CEP250: variants seen among roughly 807,000 people sequenced by gnomAD.
CEP250 encodes centrosome-associated protein CEP250.
Under a neutral mutation model 315.7 loss-of-function variants are expected in CEP250, and 242 were observed. That is an observed-to-expected ratio of 0.77 (90% CI 0.69 to 0.85). The LOEUF is 0.85. CEP250 is among the 40% of genes least tolerant of loss of function. CEP250 has a pLI of 0.00. For synonymous variants in CEP250, 1,088 were observed against 1,175.0 expected, an observed-to-expected ratio of 0.93 and a Z score of 1.51; for missense variants, 2,515 against 2,886.4, an observed-to-expected ratio of 0.87 and a Z score of 2.95.
At chr20:35,479,111 C>A in intron 17 of CEP250, 120 bp from the exon 18 acceptor site, 1 of 933,440 alleles carries the variant, frequency 1.1e-6, no homozygotes, top group Non-Finnish European at 1.6e-6. Flanking sequence ...ATTGGGTAAG[C>A]AATCCGGGCT....
intron 14 of CEP250, 113 bp from the exon 15 acceptor site, chr20:35,475,388 GT>G (rs2063142097): frequency 8.8e-7 from 1 of 1,139,478 alleles, no homozygotes; most frequent in African/African-American, 1.5e-5. Flanking sequence ...CCTTATCAGT[GT>G]TTATAGACCA....
chr20:35,456,419 C>T lies in CEP250; in HGVS notation c.-298+668C>T, dbSNP rs116709323. ...CTGTTGAATTGATCTTTACTTTGGC[C>T]CTGGGAGTTATTGGAGGCTAGGCTT... is the stretch of plus-strand genomic sequence containing the variant. On this transcript the variant is annotated intron_variant, in intron 1 of 34. Coordinates refer to ENST00000397527, the MANE Select transcript of CEP250 (RefSeq NM_007186.6). Among the ~76,000 whole-genome samples, 1,397 of 152,174 alleles carry T rather than the reference C, an allele frequency of 9.2e-3. 16 individuals are homozygous for T. Among genetic ancestry groups the T allele is most frequent in the African/African-American group, 0.031 (1,294 of 41,490 alleles).
chr20:35,503,290 G>T lies in CEP250; in HGVS notation c.4921G>T (p.Glu1641Ter). The change falls in exon 30 of 35, where the codon GAG becomes TAG. Residue 1641 changes from glutamate to a stop codon, truncating the protein, a stop_gained. Transcript: ENST00000397527. LOFTEE classifies it high-confidence loss of function. This position sits in a 1 kb window ranked among gnomAD's most constrained non-coding sequence, Gnocchi z 4.2. ...GAAGTCTCAGCGAGAACAGATCGAGGAGCTGCAGAGGCAGAAAGAGCATCT... is the reference window on the plus strand; with the variant it reads ...GAAGTCTCAGCGAGAACAGATCGAGTAGCTGCAGAGGCAGAAAGAGCATCT... ...EVKSQREQIE[E>*]LQRQKEHLTQ... 1 of 1,614,170 alleles carries T rather than the reference G, an allele frequency of 6.2e-7. No homozygotes were observed. Among genetic ancestry groups the T allele is most frequent in the Non-Finnish European group, 8.5e-7 (1 of 1,180,016 alleles).
chr20:35,458,964 A>AT (rs1332089448), intron 2 of CEP250, among the ~76,000 whole-genome samples: 10 of 91,344 alleles, frequency 1.1e-4, no homozygotes, highest in African/African-American at 4.7e-4. Context: ...TATAATGCAA[A>AT]TCTTTTTTTT....
Position 35,462,436 on chromosome 20 carries a change from G to A in CEP250, c.69G>A (p.Gln23=). The change falls in exon 4 of 35, where the codon CAG becomes CAA. Residue 23 remains glutamine, a synonymous_variant. Coordinates refer to ENST00000397527, the MANE Select transcript of CEP250 (RefSeq NM_007186.6). ...CACTGCAGCTGGTACTGGAAGAGCA[G>A]GTGCTGGCACTACAGCAGCAGATGG... ...PQSLQLVLEE[Q]VLALQQQMAE... 6.2e-7 allele frequency: 1 copy of A among 1,604,376 alleles called. No individual in the cohort carries two copies. The highest frequency in any genetic ancestry group is 8.5e-7 in the Non-Finnish European group (1 of 1,175,330).
intron 20 of CEP250, among the ~76,000 whole-genome samples, chr20:35,482,048 A>AATAG (rs35585772): frequency 0.12 from 18,056 of 146,084 alleles, 1,114 homozygotes; most frequent in Non-Finnish European, 0.13. Context: ...AGGCTTAAAA[A>AATAG]ATAGATAGAT....
chr20:35,475,933 C>T (rs2063161662), intron 15 of CEP250, among the ~76,000 whole-genome samples: 2 of 152,192 alleles, frequency 1.3e-5, no homozygotes, highest in South Asian at 2.1e-4. Context: ...GTTTTAGCCT[C>T]CCCTTCTACT....
At chr20:35,463,422 A>T (rs1000657700) in intron 4 of CEP250, among the ~76,000 whole-genome samples, 153 bp from the exon 5 acceptor site, 5 of 152,244 alleles carry the variant, frequency 3.3e-5, no homozygotes, top group Non-Finnish European at 7.3e-5. Context: ...AAAAATGCCC[A>T]AATAGAAACT....
At position 35,504,509 on chromosome 20, in the gene CEP250, G is replaced by A; in HGVS notation, c.6140G>A (p.Arg2047Lys). Residue 2047 changes from arginine to lysine, a missense_variant, in exon 30 of 35, where the codon AGG becomes AAG. Physicochemically the swap from Arg to Lys is conservative, Grantham distance 26. Transcript: ENST00000397527. The stretch of plus-strand genomic sequence containing the variant: ...CAGCTGCAGCAGGCACTTGCCCAGA[G>A]GGATGAAGAGCTGAGACATCAGCAG... ...VQQLQQALAQ[R>K]DEELRHQQER... 4.3e-6 allele frequency: 7 copies of A among 1,613,900 alleles called. No homozygotes were observed. Among genetic ancestry groups the A allele is most frequent in the South Asian group, 1.1e-5 (1 of 91,042 alleles).
In CEP250 at chr20:35,473,471, G is replaced by A. The variant is rs200183326; in HGVS notation, c.1307G>A (p.Arg436Gln). Residue 436 changes from arginine (R) to glutamine (Q), a missense_variant, in exon 13 of 35, where the codon CGG becomes CAG. Arg to Gln is a conservative substitution (Grantham distance 43). Transcript: ENST00000397527. ...WEEEGKALRQRLQKLTGERDT... is the reference protein window; with the variant it reads ...WEEEGKALRQQLQKLTGERDT... ...GAAGAGGGCAAAGCCTTGAGACAGC[G>A]GCTGCAGAAGCTCACTGGGGAGCGG... is the stretch of plus-strand genomic sequence containing the variant. 2.5e-5 allele frequency: 40 copies of A among 1,614,190 alleles called. 1 individual carries two copies. In the South Asian group the frequency reaches 2.9e-4, roughly 12 times the overall value.
In CEP250 at chr20:35,469,967, G is replaced by C; in HGVS notation, c.929G>C (p.Arg310Thr). The C allele has an allele frequency of 6.2e-7, 1 of 1,613,264 alleles. No individual in the cohort carries two copies. The highest frequency in any genetic ancestry group is 8.5e-7 in the Non-Finnish European group (1 of 1,179,232). The change falls in exon 10 of 35, where the codon AGA (arginine) becomes ACA (threonine). Residue 310 changes from arginine (R) to threonine (T), a missense_variant. By Grantham distance (71) the Arg-to-Thr change is moderately conservative. Coordinates refer to ENST00000397527, the MANE Select transcript of CEP250 (RefSeq NM_007186.6). ...TATGAAAAGATGATAAAGGCTCTGA[G>C]AGAGACAGTGGAGATCCTGGTACAT... ...EDYEKMIKAL[R>T]ETVEILETNH...
At chr20:35,461,013 ACT>A (rs1427553464) in intron 3 of CEP250, among the ~76,000 whole-genome samples, 1 of 152,078 alleles carries the variant, frequency 6.6e-6, no homozygotes, top group Non-Finnish European at 1.5e-5. Context: ...AAAGTGACTA[ACT>A]CTTCCTGGGT....
chr20:35,509,146 A>C, intron 33 of CEP250, 102 bp downstream of exon 33: 1 of 897,150 alleles, frequency 1.1e-6, no homozygotes, highest in South Asian at 1.5e-5. Context: ...CACTTCAGCT[A>C]GTCCAGAGAG....
intron 12 of CEP250, 26 bp from the exon 13 acceptor site, chr20:35,473,348 T>G (rs2063074198): frequency 1.3e-6 from 2 of 1,581,810 alleles, no homozygotes; most frequent in Non-Finnish European, 1.7e-6. Flanking sequence ...GTTCATCATC[T>G]GGTTTCTCTT....
At chr20:35,483,299 A>G (rs975908562) in intron 20 of CEP250, among the ~76,000 whole-genome samples, 7 of 151,684 alleles carry the variant, frequency 4.6e-5, no homozygotes, top group Non-Finnish European at 1.0e-4. Flanking sequence ...CAGCCTGGGC[A>G]ACAAGAACGA....
intron 28 of CEP250, 102 bp from the exon 29 acceptor site, chr20:35,501,743 T>C: frequency 7.5e-7 from 1 of 1,341,066 alleles, no homozygotes; most frequent in South Asian, 1.5e-5. Context: ...CTTCCTTCCC[T>C]TTGAATCTGT....
At chr20:35,467,179 G>GGGGGGGGGGGCCCCCCCCCC in intron 8 of CEP250, 107 bp downstream of exon 8, 1 of 534,864 alleles carries the variant, frequency 1.9e-6, no homozygotes, top group Non-Finnish European at 3.5e-6. Context: ...GGTGGGTGGG[G>GGGGGGGGGGGCCCCCCCCCC]GAGTTGGTAG....
intron 20 of CEP250, among the ~76,000 whole-genome samples, chr20:35,482,233 TTGTTTG>T (rs1262384446): frequency 2.7e-5 from 2 of 74,948 alleles, no homozygotes. Flanking sequence ...TATTATTTTT[TTGTTTG>T]TTTGTTTTTT....
rs553012762 is a variant in CEP250 at position 35,508,328 on chromosome 20, T to C, written c.6906+138T>C. On this transcript the variant is annotated intron_variant, in intron 32 of 34. Transcript: ENST00000397527. ...TGAAAATTAAGTTTGTTTTTTTTTT[T>C]CCCGAGACAGAGTCTTGCTCTGTCT... The C allele has an allele frequency of 2.6e-4, 248 of 939,496 alleles. No homozygotes were observed. In the African/African-American group the frequency reaches 2.8e-3, roughly 10 times the overall value. 58.2% of individuals were successfully genotyped at this position (939,496 alleles called of 1,614,324 possible).
Sources: allele counts gnomAD v4.1 joint callset (sites outside exome capture counted in the v4.1 genomes callset), GRCh38; gene constraint gnomAD v4.1.1; non-coding constraint Gnocchi (gnomAD v3.1); transcripts MANE v1.5; gene names NCBI Gene and HGNC (gene_info 2026-07-23, HGNC 2026-07-21).